Variants in SLC4A4 observed in about 807,000 individuals in gnomAD.
SLC4A4 encodes electrogenic sodium bicarbonate cotransporter 1.
In SLC4A4, 27 loss-of-function variants were observed where a neutral mutation model predicts 111.5. The ratio of observed to expected loss-of-function variants is 0.24; its 90% CI spans 0.18 to 0.33. SLC4A4 has a LOEUF of 0.33. Among genes scored for constraint, SLC4A4 ranks in the 10% least tolerant of loss-of-function variants. The probability of loss-of-function intolerance (pLI) is 1.00; values close to 1 mark genes in which losing one functional copy is unlikely to be tolerated. For missense variants in SLC4A4, 909 were observed against 1,315.5 expected (o/e 0.69, Z 4.78); for synonymous variants, 443 against 463.4 (o/e 0.96, Z 0.57).
intron 2 of SLC4A4, among the ~76,000 whole-genome samples, chr4:71,179,028 T>C (rs1745193969): frequency 6.6e-6 from 1 of 152,202 alleles, no homozygotes; most frequent in African/African-American, 2.4e-5. Flanking sequence ...GCTTCATCCC[T>C]GGGATGCAAG....
chr4:71,380,903 A>G (rs1718076399), intron 6 of SLC4A4, among the ~76,000 whole-genome samples: 1 of 152,084 alleles, frequency 6.6e-6, no homozygotes, highest in Admixed American at 6.5e-5. Context: ...TCAGTATTTT[A>G]CTGTTTCAAG....
rs114274495 is a variant in SLC4A4, at chr4:71,445,073, G to A, written c.966-2573G>A. Among the ~76,000 whole-genome samples, 469 of 152,292 alleles carry A rather than the reference G, an allele frequency of 3.1e-3. 3 individuals carry two copies. The highest frequency in any genetic ancestry group is 0.011 in the African/African-American group (448 of 41,572). On this transcript the variant is annotated intron_variant, in intron 8 of 25. Transcript: ENST00000264485. ...AAAGAGGAATACTACTTTTATATCT[G>A]TGTTACTGAACCAATATAATTCTCA...
intron 1 of SLC4A4, among the ~76,000 whole-genome samples, chr4:71,068,541 C>G (rs1363718972): frequency 6.6e-6 from 1 of 151,770 alleles, no homozygotes; most frequent in Non-Finnish European, 1.5e-5. Context: ...TTAGTTTTGT[C>G]AGGGCAACCT....
At chr4:71,422,686 C>T (rs4472111) in intron 7 of SLC4A4, among the ~76,000 whole-genome samples, 150,522 of 151,262 alleles carry the variant, frequency 1, 74,897 homozygotes, top group Middle Eastern at 1. Context: ...GTTCAATATA[C>T]GCAAATCAAT....
chr4:71,457,936 T>A (rs1577953415), intron 12 of SLC4A4, among the ~76,000 whole-genome samples: 1 of 152,182 alleles, frequency 6.6e-6, no homozygotes, highest in Admixed American at 6.6e-5. Flanking sequence ...CCTAATACAA[T>A]GCAAATACTA....
intron 6 of SLC4A4, among the ~76,000 whole-genome samples, chr4:71,386,489 A>G (rs868865807): frequency 1.4e-4 from 22 of 152,136 alleles, no homozygotes; most frequent in African/African-American, 4.6e-4. Flanking sequence ...CCTCTTATCT[A>G]TTCTCTTATG....
At chr4:71,145,363 G>C (rs1744133659) in intron 2 of SLC4A4, among the ~76,000 whole-genome samples, 2 of 152,116 alleles carry the variant, frequency 1.3e-5, no homozygotes, top group Admixed American at 1.3e-4. Context: ...ATTTTATTGA[G>C]GATTTTTGCA....
chr4:71,304,882 G>A (rs2148845794), intron 3 of SLC4A4, among the ~76,000 whole-genome samples: 1 of 152,272 alleles, frequency 6.6e-6, no homozygotes, highest in African/African-American at 2.4e-5. Context: ...TTTTAATTTT[G>A]TGGACAACTT....
intron 3 of SLC4A4, among the ~76,000 whole-genome samples, chr4:71,305,365 C>T (rs1402162708): frequency 6.6e-6 from 1 of 152,178 alleles, no homozygotes; most frequent in Non-Finnish European, 1.5e-5. Flanking sequence ...CTGTTCCATT[C>T]TAAAGATTCA....
chr4:71,236,925 A>C (rs1719853964), intron 2 of SLC4A4, among the ~76,000 whole-genome samples: 1 of 152,226 alleles, frequency 6.6e-6, no homozygotes, highest in Non-Finnish European at 1.5e-5. Flanking sequence ...CATCAAAAAT[A>C]AACATTTTAC....
In SLC4A4 at chr4:71,420,204, G is replaced by A. The variant is rs563569829; in HGVS notation, c.808-20412G>A. Among the ~76,000 whole-genome samples the A allele has an allele frequency of 2.6e-5, 4 of 152,330 alleles. No individual in the cohort carries two copies. The East Asian group carries it at 7.7e-4, about 29-fold the overall frequency. ...CGTGAAGAATGCAGAAGCCTCAGGA[G>A]CCAATGCAATCAACTGGAAGAAAGG... On this transcript the variant is annotated intron_variant, in intron 7 of 25. Transcript: ENST00000264485.
At chr4:71,508,194 A>C (rs1731589680) in intron 16 of SLC4A4, among the ~76,000 whole-genome samples, 1 of 152,168 alleles carries the variant, frequency 6.6e-6, no homozygotes, top group South Asian at 2.1e-4. Context: ...ACCAAGAGCA[A>C]ACAAACCCGA....
intron 23 of SLC4A4, among the ~76,000 whole-genome samples, chr4:71,560,675 T>C (rs923803126): frequency 3.3e-5 from 5 of 151,656 alleles, no homozygotes; most frequent in Non-Finnish European, 3.0e-5. Context: ...TGATCTCACT[T>C]CACGTGATCT....
At chr4:71,450,074 G>A (rs1387201994) in intron 9 of SLC4A4, among the ~76,000 whole-genome samples, 1 of 152,054 alleles carries the variant, frequency 6.6e-6, no homozygotes, top group Non-Finnish European at 1.5e-5. Flanking sequence ...ATTTTAATCT[G>A]GCTCCCATAG....
intron 15 of SLC4A4, among the ~76,000 whole-genome samples, chr4:71,495,191 T>G (rs1171208351): frequency 6.6e-6 from 1 of 152,082 alleles, no homozygotes; most frequent in Non-Finnish European, 1.5e-5. Flanking sequence ...TGTCATTTCA[T>G]GTACATCTGT....
At chr4:71,120,967 C>T (rs769573884) in intron 2 of SLC4A4, among the ~76,000 whole-genome samples, 2 of 152,220 alleles carry the variant, frequency 1.3e-5, no homozygotes, top group South Asian at 2.1e-4. Flanking sequence ...ACGCCGCCCT[C>T]GCGGGCCAGC....
At chr4:71,385,171 TTA>T (rs199563560) in intron 6 of SLC4A4, among the ~76,000 whole-genome samples, 79 of 40,022 alleles carry the variant, frequency 2.0e-3, no homozygotes, top group Middle Eastern at 0.025. Context: ...TAGGTTAGAT[TTA>T]TATATATATA....
intron 9 of SLC4A4, 58 bp from the exon 10 acceptor site, chr4:71,450,331 G>T (rs1435448571): frequency 8.4e-7 from 1 of 1,185,080 alleles, no homozygotes; most frequent in African/African-American, 1.5e-5. Flanking sequence ...GCTTGATATG[G>T]TGTGAAGCAT....
intron 2 of SLC4A4, among the ~76,000 whole-genome samples, chr4:71,170,243 G>C (rs1174936595): frequency 6.6e-6 from 1 of 152,062 alleles, no homozygotes; most frequent in Non-Finnish European, 1.5e-5. Flanking sequence ...TTATCAACTA[G>C]AAGTTAAGCT....
Sources: allele counts gnomAD v4.1 joint callset (sites outside exome capture counted in the v4.1 genomes callset), GRCh38; gene constraint gnomAD v4.1.1; transcripts MANE v1.5; gene names NCBI Gene and HGNC (gene_info 2026-07-23, HGNC 2026-07-21).